DOCK10: variants seen among roughly 807,000 people sequenced by gnomAD.
DOCK10 encodes dedicator of cytokinesis protein 10.
DOCK10 carries 145 observed loss-of-function variants against 280.1 expected under a neutral mutation model. That is an observed-to-expected ratio of 0.52 (90% confidence interval 0.45 to 0.59). The LOEUF (loss-of-function observed/expected upper bound fraction) is 0.59, where lower values mean the gene tolerates loss of function less well. Ranked by LOEUF, DOCK10 falls within the 20% of genes least tolerant of loss-of-function variation. DOCK10 has a pLI of 0.00. For missense variants in DOCK10, 2,368 were observed against 2,651.7 expected (o/e 0.89, Z 2.35); for synonymous variants, 915 against 942.2 (o/e 0.97, Z 0.53).
At chr2:224,946,003 C>G (rs1310653276) in intron 1 of DOCK10, among the ~76,000 whole-genome samples, 2 of 152,134 alleles carry the variant, frequency 1.3e-5, no homozygotes, top group Non-Finnish European at 2.9e-5. Flanking sequence ...AAAAGGCAAG[C>G]AAAGCCAGAT....
rs200370469 is a variant in DOCK10, at chr2:224,867,109, A to G, written c.1258-2022T>C. On this transcript the variant is annotated intron_variant, in intron 11 of 55. Coordinates refer to ENST00000258390, the MANE Select transcript of DOCK10 (RefSeq NM_014689.3). Reference sequence around the variant, plus strand: ...ACACACACACACACACACACACACAAAATTTATTTATCTCTATCTGTGTAT... The same window carrying G: ...ACACACACACACACACACACACACAGAATTTATTTATCTCTATCTGTGTAT... Among the ~76,000 whole-genome samples, 3 of 132,908 alleles carry G rather than the reference A, an allele frequency of 2.3e-5. No homozygotes were observed. In the East Asian group the frequency reaches 6.3e-4, roughly 28 times the overall value. The allele number at this position is 132,908 out of a possible 152,430, so 87.2% of individuals were successfully genotyped here. A position where few individuals can be genotyped will look rare whatever the true frequency, so the allele number is the denominator to read the frequency against.
At chr2:224,890,040 A>G (rs745495814) in intron 4 of DOCK10, among the ~76,000 whole-genome samples, 78 of 152,260 alleles carry the variant, frequency 5.1e-4, no homozygotes, top group Non-Finnish European at 9.4e-4. Flanking sequence ...ATGAAAAAAG[A>G]GTGAATCGGG....
chr2:224,839,514 C>T (rs1695819723), intron 24 of DOCK10, among the ~76,000 whole-genome samples: 1 of 152,188 alleles, frequency 6.6e-6, no homozygotes, highest in Admixed American at 6.5e-5. Context: ...TGGAATACTA[C>T]TCTGCAATGA....
chr2:224,884,823 T>G (rs527965927), intron 7 of DOCK10, among the ~76,000 whole-genome samples: 2 of 152,336 alleles, frequency 1.3e-5, no homozygotes, highest in Admixed American at 1.3e-4. Flanking sequence ...ATAACATATT[T>G]GAAGTGCGTA....
chr2:224,994,076 G>A (rs1559936488), intron 1 of DOCK10, among the ~76,000 whole-genome samples: 2 of 152,104 alleles, frequency 1.3e-5, no homozygotes, highest in South Asian at 2.1e-4. Flanking sequence ...GAATAAAAAT[G>A]GTGACATATT....
intron 51 of DOCK10, among the ~76,000 whole-genome samples, chr2:224,777,168 T>A (rs961627057): frequency 1.3e-5 from 2 of 152,226 alleles, no homozygotes; most frequent in Non-Finnish European, 2.9e-5. Context: ...ATTTGCTTTC[T>A]GGAGCCAAGA....
At chr2:225,040,656 C>T (rs1690394709) in intron 1 of DOCK10, among the ~76,000 whole-genome samples, 1 of 151,850 alleles carries the variant, frequency 6.6e-6, no homozygotes, top group South Asian at 2.1e-4. Context: ...CTGTTTATTC[C>T]AATTGAACGC....
At chr2:224,886,836 C>A (rs575574472) in intron 4 of DOCK10, among the ~76,000 whole-genome samples, 355 of 152,180 alleles carry the variant, frequency 2.3e-3, no homozygotes, top group Non-Finnish European at 3.8e-3. Context: ...CTCACTGCAA[C>A]CTCCACCTCC....
chr2:224,796,473 T>A (rs750862306), intron 43 of DOCK10, 47 bp from the exon 44 acceptor site: 5 of 1,240,448 alleles, frequency 4.0e-6, no homozygotes, highest in Middle Eastern at 1.9e-4. Context: ...CCAGAAATAG[T>A]CTTCTTAAAG....
At chr2:224,887,507 T>G (rs1699381358) in intron 4 of DOCK10, among the ~76,000 whole-genome samples, 1 of 152,184 alleles carries the variant, frequency 6.6e-6, no homozygotes, top group Non-Finnish European at 1.5e-5. Context: ...ACAAATAAGT[T>G]TTCTTTGGCT....
At chr2:224,862,624 A>T in intron 14 of DOCK10, 40 bp downstream of exon 14, 1 of 1,525,960 alleles carries the variant, frequency 6.6e-7, no homozygotes, top group Non-Finnish European at 9.1e-7. Flanking sequence ...TGCCACCATT[A>T]AATGTATTTC....
At chr2:224,842,945 G>C in intron 22 of DOCK10, among the ~76,000 whole-genome samples, 1 of 152,224 alleles carries the variant, frequency 6.6e-6, no homozygotes, top group Non-Finnish European at 1.5e-5. Context: ...AGGGAACAGG[G>C]AAGGCTTCTT....
intron 27 of DOCK10, among the ~76,000 whole-genome samples, chr2:224,824,365 T>C (rs1343012638): frequency 6.6e-6 from 1 of 151,688 alleles, no homozygotes; most frequent in Non-Finnish European, 1.5e-5. Flanking sequence ...CCATCCCTCC[T>C]GTTTGGACTC....
At chr2:224,923,607 A>G (rs1315682357) in intron 2 of DOCK10, among the ~76,000 whole-genome samples, 1 of 152,184 alleles carries the variant, frequency 6.6e-6, no homozygotes, top group African/African-American at 2.4e-5. Context: ...TGGTCTAGGG[A>G]AGAGAAATGG....
intron 53 of DOCK10, among the ~76,000 whole-genome samples, chr2:224,772,040 C>A (rs1166169041): frequency 6.6e-6 from 1 of 152,096 alleles, no homozygotes; most frequent in Non-Finnish European, 1.5e-5. Context: ...CCTGCCTCAG[C>A]CTCCCAACTA....
intron 23 of DOCK10, 142 bp downstream of exon 23, chr2:224,841,662 C>A: frequency 8.1e-6 from 4 of 496,036 alleles, no homozygotes; most frequent in East Asian, 2.9e-5. Context: ...GAAATAAAAT[C>A]ATTTACTCTC....
At chr2:225,020,272 T>C (rs1404367260) in intron 1 of DOCK10, among the ~76,000 whole-genome samples, 1 of 152,176 alleles carries the variant, frequency 6.6e-6, no homozygotes, top group East Asian at 1.9e-4. Context: ...CTTGACATTT[T>C]GTGGAGAATA....
rs371233700 is a variant in DOCK10, at chr2:224,800,542, A to G, written c.4394-279T>C. ...CCAAAGACAGGGTCATATTTCTTTC[A>G]TAATCAGGCTGTCTCAAGTTCTAAA... On this transcript the variant is annotated intron_variant, in intron 40 of 55. Transcript: ENST00000258390. Among the ~76,000 whole-genome samples the G allele has an allele frequency of 3.9e-5, 6 of 152,254 alleles. No homozygotes were observed. In the East Asian group the frequency reaches 7.7e-4, roughly 20 times the overall value.
chr2:224,982,224 T>G (rs1489608001), intron 1 of DOCK10: 2 of 1,231,788 alleles, frequency 1.6e-6, no homozygotes, highest in Non-Finnish European at 2.0e-6. Flanking sequence ...ATGAGGGTTC[T>G]GGGTCTATTC....
Sources: allele counts gnomAD v4.1 joint callset (sites outside exome capture counted in the v4.1 genomes callset), GRCh38; gene constraint gnomAD v4.1.1; transcripts MANE v1.5; gene names NCBI Gene and HGNC (gene_info 2026-07-23, HGNC 2026-07-21).